LRSAM1: variants seen among roughly 807,000 people sequenced by gnomAD.
LRSAM1 encodes the protein leucine rich repeat and sterile alpha motif containing 1, also known as E3 ubiquitin-protein ligase LRSAM1.
In LRSAM1, 96 loss-of-function variants were observed where a neutral mutation model predicts 118.1. The ratio of observed to expected loss-of-function variants is 0.81; its 90% CI spans 0.69 to 0.96. The LOEUF is 0.96. Ranked by LOEUF, LRSAM1 falls within the 40% of genes least tolerant of loss-of-function variation. LRSAM1 has a pLI of 0.00. For missense variants in LRSAM1, 804 were observed against 915.5 expected, an observed-to-expected ratio of 0.88 and a Z score of 1.57; for synonymous variants, 322 against 364.2, an observed-to-expected ratio of 0.88 and a Z score of 1.32.
At chr9:127,456,759 G>A (rs1029951690) in intron 5 of LRSAM1, among the ~76,000 whole-genome samples, 11 of 152,002 alleles carry the variant, frequency 7.2e-5, no homozygotes, top group African/African-American at 2.4e-4. Flanking sequence ...CCAGCTACTC[G>A]GGAGGGCGAG....
chr9:127,481,294 C>T (rs1835529555), intron 15 of LRSAM1, 67 bp downstream of exon 15: 1 of 1,551,540 alleles, frequency 6.4e-7, no homozygotes, highest in Admixed American at 1.7e-5. Context: ...TGCACTGTCG[C>T]CAGGCTGGAG....
intron 24 of LRSAM1, among the ~76,000 whole-genome samples, chr9:127,497,778 G>A (rs528285378): frequency 2.0e-5 from 3 of 152,352 alleles, no homozygotes; most frequent in Admixed American, 6.5e-5. Context: ...CGTGAGGCCC[G>A]TGGGGAGAAG....
At chr9:127,461,401 C>T in intron 8 of LRSAM1, 144 bp downstream of exon 8, 1 of 668,412 alleles carries the variant, frequency 1.5e-6, no homozygotes. Flanking sequence ...CTGACCCCTG[C>T]TGGGTCAGCT....
Position 127,461,503 on chromosome 9 carries a change from G to A in LRSAM1, c.406+246G>A, listed in dbSNP as rs953305028. On this transcript the variant is annotated intron_variant, in intron 8 of 25. Coordinates refer to ENST00000300417, the MANE Select transcript of LRSAM1 (RefSeq NM_001005373.4). ...TGGCCGTATGGGGAGGAGGGCAGCT[G>A]GGCCCCGAGCCTCAGTCACTCATAT... is the stretch of plus-strand genomic sequence containing the variant. Among the ~76,000 whole-genome samples the A allele has an allele frequency of 4.6e-5, 7 of 152,220 alleles. No homozygotes were observed. The East Asian group carries it at 5.8e-4, about 13-fold the overall frequency.
intron 10 of LRSAM1, among the ~76,000 whole-genome samples, chr9:127,471,615 C>G (rs1315260548): frequency 6.6e-6 from 1 of 150,954 alleles, no homozygotes; most frequent in Non-Finnish European, 1.5e-5. Flanking sequence ...GGAGAAACGC[C>G]ATCTTTACTA....
At chr9:127,493,650 C>T (rs1286919368) in intron 21 of LRSAM1, among the ~76,000 whole-genome samples, 1 of 152,194 alleles carries the variant, frequency 6.6e-6, no homozygotes, top group Non-Finnish European at 1.5e-5. Flanking sequence ...TCACTCCAGA[C>T]AGGACTCACT....
rs1836468716 is a variant in LRSAM1, at chr9:127,503,341, G to A, written c.*442G>A. 8 of 272,322 alleles carry A rather than the reference G, an allele frequency of 2.9e-5. No individual in the cohort carries two copies. The highest frequency in any genetic ancestry group is 5.8e-5 in the Non-Finnish European group (8 of 137,784). 16.9% of individuals were successfully genotyped at this position (272,322 alleles called of 1,614,324 possible). A position where few individuals can be genotyped will look rare whatever the true frequency, so the allele number is the denominator to read the frequency against. ...AGGGGAGGCCTTCCTGGGAAGGCGT[G>A]TGGTGCAGGCCTGTGCTCACAGTGG... is the stretch of plus-strand genomic sequence containing the variant. On this transcript the variant is annotated 3_prime_UTR_variant, in exon 26 of 26. Transcript: ENST00000300417.
chr9:127,502,989 GTAT>G lies in LRSAM1; in HGVS notation c.*91_*93del. ...GCTCAGCCTTGTGCCAGCCAGACTCGTATGAGGCTCCCCCCTGCCCTGGGCCCC... is the reference window on the plus strand; with the variant it reads ...GCTCAGCCTTGTGCCAGCCAGACTCGGAGGCTCCCCCCTGCCCTGGGCCCC... On this transcript the variant is annotated 3_prime_UTR_variant, in exon 26 of 26. Coordinates refer to ENST00000300417, the MANE Select transcript of LRSAM1 (RefSeq NM_001005373.4). The G allele has an allele frequency of 6.6e-7, 1 of 1,514,152 alleles. No individual in the cohort carries two copies. The highest frequency in any genetic ancestry group is 8.9e-7 in the Non-Finnish European group (1 of 1,122,084). 93.8% of individuals were successfully genotyped at this position (1,514,152 alleles called of 1,614,324 possible).
intron 9 of LRSAM1, among the ~76,000 whole-genome samples, chr9:127,466,886 C>A (rs189488293): frequency 6.6e-6 from 1 of 151,894 alleles, no homozygotes; most frequent in Non-Finnish European, 1.5e-5. Flanking sequence ...GCTTATAGTC[C>A]CAGCTACTCA....
Position 127,458,598 on chromosome 9 carries a change from A to AT in LRSAM1, c.253-404dup, listed in dbSNP as rs199558213. Among the ~76,000 whole-genome samples the AT allele has an allele frequency of 4.6e-3, 707 of 152,190 alleles. 2 individuals carry two copies. The highest frequency in any genetic ancestry group is 7.6e-3 in the Non-Finnish European group (520 of 68,000). On this transcript the variant is annotated intron_variant, in intron 6 of 25. Transcript: ENST00000300417. Reference sequence around the variant, plus strand: ...CTGTCTCAAAATAAAACAAAATAAAATAAAATTAAATTAAAAATTAGCAAG... The same window carrying AT: ...CTGTCTCAAAATAAAACAAAATAAAATTAAAATTAAATTAAAAATTAGCAAG...
Position 127,465,665 on chromosome 9 carries a change from G to A in LRSAM1, c.529-2075G>A, listed in dbSNP as rs375553287. Reference sequence around the variant, plus strand: ...TGAGGGCTGGGCTGGCCAGGGCTGGGGGACCTGAGCTACCCTTCCCACCCA... The same window carrying A: ...TGAGGGCTGGGCTGGCCAGGGCTGGAGGACCTGAGCTACCCTTCCCACCCA... On this transcript the variant is annotated intron_variant, in intron 9 of 25. Transcript: ENST00000300417. The surrounding 1 kb of genome is among the most constrained non-coding windows in gnomAD (Gnocchi z 4.1). Among the ~76,000 whole-genome samples the A allele has an allele frequency of 7.8e-4, 119 of 152,316 alleles. 5 individuals are homozygous for A. In the South Asian group the frequency reaches 0.024, roughly 30 times the overall value.
chr9:127,474,626 T>C (rs1835291569), intron 11 of LRSAM1, among the ~76,000 whole-genome samples: 1 of 152,202 alleles, frequency 6.6e-6, no homozygotes. Context: ...TTTGTGAGAA[T>C]AGGGATTGTG....
rs756516100 is a variant in LRSAM1, at chr9:127,462,363, G to A, written c.518G>A (p.Arg173Gln). Residue 173 changes from arginine to glutamine, a missense_variant, in exon 9 of 26, where the codon CGA becomes CAA. Arg to Gln is a conservative substitution (Grantham distance 43). Transcript: ENST00000300417. ...QRLPQMLAHV[R>Q]TLEMLSLDAS... ...TTGCCGCAGATGCTGGCTCACGTTC[G>A]AACCCTGGAGGTAAATGGGAAGCTG... 13 of 1,613,890 alleles carry A rather than the reference G, an allele frequency of 8.1e-6. No individual in the cohort carries two copies. The highest frequency in any genetic ancestry group is 6.7e-5 in the East Asian group (3 of 44,862).
chr9:127,460,350 C>T (rs568594435), intron 7 of LRSAM1, among the ~76,000 whole-genome samples: 1 of 152,322 alleles, frequency 6.6e-6, no homozygotes, highest in South Asian at 2.1e-4. Flanking sequence ...GCCTTGCTCA[C>T]CTCGAGGTAC....
At chr9:127,457,963 T>C (rs112616717) in intron 6 of LRSAM1, among the ~76,000 whole-genome samples, 3 of 122,800 alleles carry the variant, frequency 2.4e-5, no homozygotes, top group African/African-American at 9.5e-5. Flanking sequence ...ACAGATGCTT[T>C]CTTTCTTTTT....
chr9:127,493,228 A>G (rs1388484999), intron 21 of LRSAM1, among the ~76,000 whole-genome samples: 1 of 151,560 alleles, frequency 6.6e-6, no homozygotes, highest in African/African-American at 2.4e-5. Flanking sequence ...TGCCTGGCAA[A>G]TTTTTTTATT....
intron 23 of LRSAM1, among the ~76,000 whole-genome samples, chr9:127,496,443 C>T (rs1274968531): frequency 6.6e-6 from 1 of 152,218 alleles, no homozygotes; most frequent in Non-Finnish European, 1.5e-5. Context: ...ACTGCCTGAG[C>T]CCCTGTTCCT....
chr9:127,492,798 G>A lies in LRSAM1; in HGVS notation c.1504-4G>A, dbSNP rs370872133. The A allele has an allele frequency of 2.6e-5, 42 of 1,613,288 alleles. No individual in the cohort carries two copies. Among genetic ancestry groups the A allele is most frequent in the Admixed American group, 8.3e-5 (5 of 59,994 alleles). On this transcript the variant is annotated splice_polypyrimidine_tract_variant and splice_region_variant and intron_variant, in intron 20 of 25. Coordinates refer to ENST00000300417, the MANE Select transcript of LRSAM1 (RefSeq NM_001005373.4). ...GGTGGTGCGGGGTGTGGTCTTGTTC[G>A]CAGGAGATGATCTCGGAGCAGCGCT...
chr9:127,457,857 C>T (rs78192407), intron 6 of LRSAM1, among the ~76,000 whole-genome samples: 5,784 of 152,054 alleles, frequency 0.038, 365 homozygotes, highest in African/African-American at 0.13. Context: ...CAGAGGAGGC[C>T]GGCAGCACAG....
Sources: allele counts gnomAD v4.1 joint callset (sites outside exome capture counted in the v4.1 genomes callset), GRCh38; gene constraint gnomAD v4.1.1; non-coding constraint Gnocchi (gnomAD v3.1); transcripts MANE v1.5; gene names NCBI Gene and HGNC (gene_info 2026-07-23, HGNC 2026-07-21).